The following PRKN variants were observed in gnomAD, a reference collection of about 807,000 sequenced individuals.
The protein encoded by PRKN is parkin RBR E3 ubiquitin protein ligase.
Under a neutral mutation model 59.5 loss-of-function variants are expected in PRKN, and 56 were observed. The observed-to-expected ratio is 0.94, with a 90% CI of 0.76 to 1.18. The LOEUF is 1.18. Among genes scored for constraint, PRKN ranks in the 50% most tolerant of loss-of-function variants. The pLI is 0.00. For missense variants in PRKN, 657 were observed against 596.4 expected (o/e 1.10, Z -1.06); for synonymous variants, 250 against 222.1 (o/e 1.13, Z -1.12).
intron 8 of PRKN, among the ~76,000 whole-genome samples, chr6:161,556,889 T>C (rs768741748): frequency 1.3e-5 from 2 of 152,202 alleles, no homozygotes; most frequent in African/African-American, 4.8e-5. Flanking sequence ...TCTGTGTGTG[T>C]GTAGATATGC....
chr6:161,839,186 A>G (rs1213406087), intron 6 of PRKN, among the ~76,000 whole-genome samples: 2 of 152,188 alleles, frequency 1.3e-5, no homozygotes, highest in Non-Finnish European at 2.9e-5. Flanking sequence ...TATGCCTCCC[A>G]CAGTGAGAAA....
intron 4 of PRKN, among the ~76,000 whole-genome samples, chr6:162,175,631 C>A (rs1266031484): frequency 1.3e-5 from 2 of 152,120 alleles, no homozygotes; most frequent in Non-Finnish European, 2.9e-5. Flanking sequence ...ATATGACCTA[C>A]AGAGCTGCAG....
At chr6:162,072,022 T>C (rs1778596914) in intron 4 of PRKN, among the ~76,000 whole-genome samples, 1 of 152,216 alleles carries the variant, frequency 6.6e-6, no homozygotes, top group African/African-American at 2.4e-5. Context: ...AAGTCATTGA[T>C]TTTTTAATTC....
intron 2 of PRKN, among the ~76,000 whole-genome samples, chr6:162,276,748 A>G (rs1780654939): frequency 6.6e-6 from 1 of 151,710 alleles, no homozygotes; most frequent in Non-Finnish European, 1.5e-5. Context: ...CCTCTCTTAG[A>G]TAATTGATAG....
In PRKN at chr6:161,546,492, A is replaced by G. The variant is rs1330786798; in HGVS notation, c.1083+2362T>C. ...CTGCTGAGAAGCCAAAGCAATGGGA[A>G]TGGACATAAGCTTGCAAAAGTGTAT... is the stretch of plus-strand genomic sequence containing the variant. On this transcript the variant is annotated intron_variant, in intron 9 of 11. Transcript: ENST00000366898. This position sits in a 1 kb window ranked among gnomAD's most constrained non-coding sequence, Gnocchi z 4.4. Among the ~76,000 whole-genome samples the G allele has an allele frequency of 6.6e-6, 1 of 152,214 alleles. No homozygotes were observed. Among genetic ancestry groups the G allele is most frequent in the Non-Finnish European group, 1.5e-5 (1 of 68,038 alleles).
chr6:161,523,890 T>C (rs1231606367), intron 9 of PRKN, among the ~76,000 whole-genome samples: 1 of 152,136 alleles, frequency 6.6e-6, no homozygotes, highest in Non-Finnish European at 1.5e-5. Flanking sequence ...CCATCAAGCA[T>C]GGATAGCACC....
intron 9 of PRKN, among the ~76,000 whole-genome samples, chr6:161,430,852 C>A (rs923550665): frequency 4.4e-5 from 6 of 136,222 alleles, no homozygotes; most frequent in Non-Finnish European, 7.8e-5. Context: ...ATACTGAATG[C>A]TGGCCAGGTG....
chr6:161,873,588 A>C (rs889200051), intron 6 of PRKN, among the ~76,000 whole-genome samples: 4 of 151,990 alleles, frequency 2.6e-5, no homozygotes, highest in Non-Finnish European at 5.9e-5. Flanking sequence ...CCTTCCTAGA[A>C]AGAAAAGAAC....
chr6:161,824,775 GA>G (rs1174995237), intron 6 of PRKN, among the ~76,000 whole-genome samples: 2 of 152,034 alleles, frequency 1.3e-5, no homozygotes, highest in Admixed American at 1.3e-4. Flanking sequence ...GGGCCACATT[GA>G]AAAAAAGATT....
chr6:162,372,135 G>A (rs557900804), intron 2 of PRKN, among the ~76,000 whole-genome samples: 1 of 152,248 alleles, frequency 6.6e-6, no homozygotes, highest in African/African-American at 2.4e-5. Context: ...TCTACTTTTT[G>A]TCCTTCAGTC....
chr6:162,451,156 G>GA (rs889962970), intron 1 of PRKN, among the ~76,000 whole-genome samples: 21 of 152,012 alleles, frequency 1.4e-4, no homozygotes, highest in East Asian at 5.8e-4. Context: ...GGTCACTGGA[G>GA]AAAAAATTAC....
intron 1 of PRKN, among the ~76,000 whole-genome samples, chr6:162,598,795 G>A (rs903489690): frequency 6.8e-6 from 1 of 147,626 alleles, no homozygotes; most frequent in Non-Finnish European, 1.5e-5. Context: ...GGAAGTTGCA[G>A]TGAGCTGACA....
chr6:162,491,077 T>C (rs1792789255), intron 1 of PRKN, among the ~76,000 whole-genome samples: 2 of 148,520 alleles, frequency 1.3e-5, no homozygotes, highest in Admixed American at 6.8e-5. Flanking sequence ...CACTCCAGCC[T>C]GGGTGACAAG....
In PRKN at chr6:162,727,746, G is replaced by C. The variant is rs765761156; in HGVS notation, c.-78C>G. ...GGCGCCAGCCGCGCCTCCCACCAGCGGCTCTCCTGGGTTAAATCCTCCAGG... is the reference window on the plus strand; with the variant it reads ...GGCGCCAGCCGCGCCTCCCACCAGCCGCTCTCCTGGGTTAAATCCTCCAGG... On this transcript the variant is annotated 5_prime_UTR_variant, in exon 1 of 12. Transcript: ENST00000366898. The C allele has an allele frequency of 2.8e-6, 4 of 1,445,302 alleles. No individual in the cohort carries two copies. Among genetic ancestry groups the C allele is most frequent in the African/African-American group, 2.8e-5 (2 of 70,830 alleles). 89.5% of individuals were successfully genotyped at this position (1,445,302 alleles called of 1,614,324 possible).
rs1786776058 is a variant in PRKN at position 161,396,716 on chromosome 6, T to C, written c.1084-9839A>G. On this transcript the variant is annotated intron_variant, in intron 9 of 11. Transcript: ENST00000366898. This position sits in a 1 kb window ranked among gnomAD's most constrained non-coding sequence, Gnocchi z 5.4. ...CAGTAAAAATGTGAAATCCAAGCCA[T>C]ATGGCAATTTGAGCCCAATTTGTCC... 6.6e-6 allele frequency among the ~76,000 whole-genome samples: 1 copy of C among 152,152 alleles called. No homozygotes were observed. Among genetic ancestry groups the C allele is most frequent in the Non-Finnish European group, 1.5e-5 (1 of 68,028 alleles).
chr6:162,320,995 A>G (rs1032136532), intron 2 of PRKN, among the ~76,000 whole-genome samples: 4 of 151,906 alleles, frequency 2.6e-5, no homozygotes, highest in Non-Finnish European at 4.4e-5. Context: ...TGAAAAGCAA[A>G]GCAAGAAGAA....
chr6:161,610,183 T>C (rs1001859268), intron 7 of PRKN, among the ~76,000 whole-genome samples: 1 of 152,220 alleles, frequency 6.6e-6, no homozygotes, highest in South Asian at 2.1e-4. Context: ...ACTAACACTG[T>C]CCCTGTGTCA....
intron 2 of PRKN, among the ~76,000 whole-genome samples, chr6:162,277,909 A>G (rs992235214): frequency 6.6e-6 from 1 of 152,194 alleles, no homozygotes; most frequent in African/African-American, 2.4e-5. Flanking sequence ...ATGCAGCAAT[A>G]CCTGGAGTAT....
In PRKN at chr6:161,466,900, AT is replaced by A. The variant is rs1790503539; in HGVS notation, c.1084-80024del. Reference sequence around the variant, plus strand: ...GTCACACGAAGTTAGTTAATGAGGGATTTTTATTCTTTTGTTTCTGGTGGCA... The same window carrying A: ...GTCACACGAAGTTAGTTAATGAGGGATTTTATTCTTTTGTTTCTGGTGGCA... On this transcript the variant is annotated intron_variant, in intron 9 of 11. Transcript: ENST00000366898. This position sits in a 1 kb window ranked among gnomAD's most constrained non-coding sequence, Gnocchi z 5.0. Among the ~76,000 whole-genome samples the A allele has an allele frequency of 6.6e-6, 1 of 152,144 alleles. No homozygotes were observed. Among genetic ancestry groups the A allele is most frequent in the South Asian group, 2.1e-4 (1 of 4,826 alleles).
Sources: gnomAD v4.1 joint callset for allele counts (sites outside exome capture counted in the v4.1 genomes callset) on GRCh38, gnomAD v4.1.1 for gene constraint, Gnocchi (gnomAD v3.1) non-coding constraint, MANE v1.5 for transcripts, NCBI Gene and HGNC (gene_info 2026-07-23, HGNC 2026-07-21) for gene names.